The following ELMO1 variants were observed in gnomAD, a reference collection of about 807,000 sequenced individuals.
The protein encoded by ELMO1 is engulfment and cell motility protein 1.
Under a neutral mutation model 98.9 loss-of-function variants are expected in ELMO1, and 26 were observed. That is an observed-to-expected ratio of 0.26 (90% CI 0.19 to 0.36). The LOEUF (loss-of-function observed/expected upper bound fraction) is 0.36, where lower values mean the gene tolerates loss of function less well. Ranked by LOEUF, ELMO1 falls within the 10% of genes least tolerant of loss-of-function variation. The probability of loss-of-function intolerance (pLI) is 1.00; values close to 1 mark genes in which losing one functional copy is unlikely to be tolerated. For synonymous variants in ELMO1, 346 were observed against 346.0 expected (o/e 1.00, Z 0.00); for missense variants, 627 against 935.2 (o/e 0.67, Z 4.30).
At position 36,896,385 on chromosome 7, in the gene ELMO1, A is replaced by G. The variant is rs1442004651; in HGVS notation, c.1438-1368T>C. On this transcript the variant is annotated intron_variant, in intron 16 of 21. Transcript: ENST00000310758. ...TATATTTCTTGCCTTCCGTGAACTA[A>G]TGGTCTCATAAGAAAGGTGGACATG... Among the ~76,000 whole-genome samples the G allele has an allele frequency of 1.3e-5, 2 of 152,200 alleles. 1 individual carries two copies. Among genetic ancestry groups the G allele is most frequent in the Non-Finnish European group, 2.9e-5 (2 of 68,032 alleles).
At chr7:36,895,364 A>C (rs891001892) in intron 16 of ELMO1, among the ~76,000 whole-genome samples, 27 of 152,198 alleles carry the variant, frequency 1.8e-4, no homozygotes, top group African/African-American at 6.5e-4. Flanking sequence ...ACGAAGGCCA[A>C]GCAGCAGCTA....
intron 16 of ELMO1, among the ~76,000 whole-genome samples, chr7:37,009,528 T>G (rs1584509689): frequency 6.6e-6 from 1 of 152,200 alleles, no homozygotes; most frequent in Non-Finnish European, 1.5e-5. Context: ...ATCTATAAAC[T>G]GGTGTCCCAA....
rs115372943 is a variant in ELMO1, at chr7:37,227,966, C to A, written c.550-2936G>T. On this transcript the variant is annotated intron_variant, in intron 8 of 21. Coordinates refer to ENST00000310758, the MANE Select transcript of ELMO1 (RefSeq NM_014800.11). Reference sequence around the variant, plus strand: ...TCTTCCTTGACATAAATAAACTAATCATTTCAGCAATCCTAAAGCATGTTA... The same window carrying A: ...TCTTCCTTGACATAAATAAACTAATAATTTCAGCAATCCTAAAGCATGTTA... Among the ~76,000 whole-genome samples the A allele has an allele frequency of 9.8e-3, 1,491 of 152,282 alleles. 25 individuals carry two copies. The highest frequency in any genetic ancestry group is 0.035 in the African/African-American group (1,436 of 41,548).
chr7:37,227,239 CAT>C (rs1377847962), intron 8 of ELMO1, among the ~76,000 whole-genome samples: 1 of 152,168 alleles, frequency 6.6e-6, no homozygotes, highest in African/African-American at 2.4e-5. Context: ...GTTACTGAAA[CAT>C]AATCTTCTGC....
chr7:37,012,241 G>A (rs1793612391), intron 16 of ELMO1, among the ~76,000 whole-genome samples: 1 of 152,158 alleles, frequency 6.6e-6, no homozygotes, highest in South Asian at 2.1e-4. Context: ...ATTGGTGTTG[G>A]TTCAAGATGC....
At chr7:36,986,675 T>G (rs949304856) in intron 16 of ELMO1, among the ~76,000 whole-genome samples, 2 of 152,150 alleles carry the variant, frequency 1.3e-5, no homozygotes, top group African/African-American at 4.8e-5. Context: ...CTACTTTTAT[T>G]TGATTGTGAG....
intron 15 of ELMO1, among the ~76,000 whole-genome samples, chr7:37,016,396 C>T (rs908771782): frequency 2.5e-4 from 38 of 152,192 alleles, no homozygotes; most frequent in African/African-American, 6.5e-4. Context: ...ATAAATAACA[C>T]CTTCCATCAT....
At chr7:37,029,735 T>C (rs530458951) in intron 15 of ELMO1, among the ~76,000 whole-genome samples, 6 of 152,328 alleles carry the variant, frequency 3.9e-5, no homozygotes, top group African/African-American at 1.4e-4. Context: ...CACAGCATCG[T>C]AAGCTAATTG....
intron 4 of ELMO1, among the ~76,000 whole-genome samples, chr7:37,274,806 C>T (rs1447420888): frequency 6.6e-6 from 1 of 152,190 alleles, no homozygotes; most frequent in Non-Finnish European, 1.5e-5. Flanking sequence ...CCATCTCAGC[C>T]TCCCAAAGTG....
intron 10 of ELMO1, among the ~76,000 whole-genome samples, chr7:37,222,007 C>A (rs548751211): frequency 6.6e-6 from 1 of 152,256 alleles, no homozygotes; most frequent in African/African-American, 2.4e-5. Context: ...TCTTTTTATA[C>A]AGGAGAGGAA....
intron 13 of ELMO1, chr7:37,211,183 C>T (rs1792947170): frequency 4.6e-6 from 3 of 658,904 alleles, no homozygotes; most frequent in Non-Finnish European, 7.5e-6. Context: ...GTATTAGTCA[C>T]ACTTGTGCAA....
intron 15 of ELMO1, among the ~76,000 whole-genome samples, chr7:37,058,054 A>T (rs1186546073): frequency 6.6e-6 from 1 of 152,262 alleles, no homozygotes; most frequent in Non-Finnish European, 1.5e-5. Context: ...AACTTTACAC[A>T]GGCACACACA....
intron 2 of ELMO1, among the ~76,000 whole-genome samples, chr7:37,318,114 A>G (rs1799301152): frequency 6.6e-6 from 1 of 152,228 alleles, no homozygotes; most frequent in Non-Finnish European, 1.5e-5. Flanking sequence ...CTGTAGTTAC[A>G]TGTTACATAA....
intron 13 of ELMO1, among the ~76,000 whole-genome samples, chr7:37,200,198 C>T (rs1449865006): frequency 6.6e-6 from 1 of 151,864 alleles, no homozygotes; most frequent in Non-Finnish European, 1.5e-5. Context: ...CTCAGCCTCC[C>T]AAGCAGCTGG....
At chr7:37,417,956 C>T (rs1287947082) in intron 1 of ELMO1, among the ~76,000 whole-genome samples, 1 of 152,176 alleles carries the variant, frequency 6.6e-6, no homozygotes, top group African/African-American at 2.4e-5. Context: ...CTGGGGCCAC[C>T]AGAAGCTGGA....
intron 19 of ELMO1, among the ~76,000 whole-genome samples, chr7:36,877,348 C>T (rs1309021292): frequency 6.6e-6 from 1 of 152,146 alleles, no homozygotes; most frequent in Admixed American, 6.5e-5. Flanking sequence ...TTCTATAATA[C>T]TTGTTTAATT....
chr7:36,909,596 T>A (rs1784207086), intron 16 of ELMO1, among the ~76,000 whole-genome samples: 1 of 152,262 alleles, frequency 6.6e-6, no homozygotes, highest in Admixed American at 6.5e-5. Flanking sequence ...GTGTGTGGGT[T>A]GGTAACTATG....
intron 1 of ELMO1, among the ~76,000 whole-genome samples, chr7:37,359,969 G>A (rs1470681230): frequency 6.6e-6 from 1 of 152,132 alleles, no homozygotes; most frequent in Non-Finnish European, 1.5e-5. Context: ...TTTTGATGCT[G>A]TGATAGAAGC....
intron 16 of ELMO1, among the ~76,000 whole-genome samples, chr7:36,930,948 C>T (rs1033757519): frequency 6.6e-6 from 1 of 152,214 alleles, no homozygotes; most frequent in Non-Finnish European, 1.5e-5. Flanking sequence ...CTATCTCTTC[C>T]TCCATCAGTC....
Sources: gnomAD v4.1 joint callset for allele counts (sites outside exome capture counted in the v4.1 genomes callset) on GRCh38, gnomAD v4.1.1 for gene constraint, MANE v1.5 for transcripts, NCBI Gene and HGNC (gene_info 2026-07-23, HGNC 2026-07-21) for gene names.